The following FLT3 variants were observed in gnomAD, a reference collection of about 807,000 sequenced individuals.
The protein encoded by FLT3 is receptor-type tyrosine-protein kinase FLT3.
Under a neutral mutation model 126.6 loss-of-function variants are expected in FLT3, and 46 were observed. The observed-to-expected ratio is 0.36, with a 90% CI of 0.29 to 0.46. The LOEUF (loss-of-function observed/expected upper bound fraction) is 0.46. FLT3 is among the 20% of genes least tolerant of loss of function. The pLI is 1.00. For synonymous variants in FLT3, 404 were observed against 434.4 expected (o/e 0.93, Z 0.87); for missense variants, 1,069 against 1,190.3 (o/e 0.90, Z 1.50).
intron 9 of FLT3, 121 bp from the exon 10 acceptor site, chr13:28,037,409 G>A: frequency 1.5e-6 from 1 of 670,298 alleles, no homozygotes; most frequent in South Asian, 1.8e-5. Flanking sequence ...AAGTTCACTG[G>A]AAAAGGAAAT....
At position 28,043,620 on chromosome 13, in the gene FLT3, G is replaced by A. The variant is rs367710247; in HGVS notation, c.1205+4655C>T. Among the ~76,000 whole-genome samples, 29 of 152,184 alleles carry A rather than the reference G, an allele frequency of 1.9e-4. No homozygotes were observed. In the East Asian group the frequency reaches 4.2e-3, roughly 22 times the overall value. ...TTCAATTAAATTGTTGAATCTAGGT[G>A]GTAGGTAAAGAATGCTCATGCACTA... On this transcript the variant is annotated intron_variant, in intron 9 of 23. Coordinates refer to ENST00000241453, the MANE Select transcript of FLT3 (RefSeq NM_004119.3).
intron 9 of FLT3, among the ~76,000 whole-genome samples, chr13:28,044,954 T>G (rs1419358849): frequency 6.6e-6 from 1 of 152,208 alleles, no homozygotes; most frequent in Non-Finnish European, 1.5e-5. Context: ...TATGGCAGCA[T>G]ACCTATTCTT....
chr13:28,067,988 G>A (rs952009616), intron 2 of FLT3: 18 of 268,448 alleles, frequency 6.7e-5, no homozygotes. Flanking sequence ...TCTTCACAAA[G>A]AGAAAACCAG....
rs1011781461 is a variant in FLT3 at position 28,100,479 on chromosome 13, A to G, written c.32T>C (p.Leu11Pro). Residue 11 changes from leucine to proline, a missense_variant, in exon 1 of 24, where the codon CTG (leucine) becomes CCG (proline). Transcript: ENST00000241453. The surrounding 1 kb of genome is among the most constrained non-coding windows in gnomAD (Gnocchi z 4.8). Reference protein sequence around the residue: MPALARDGGQLPLLVVFSAMI... With the variant: MPALARDGGQPPLLVVFSAMI... ...GAGCGGGGCCTTACCGAGCAGCGGC[A>G]GCTGGCCGCCGTCGCGCGCCAACGC... is the stretch of plus-strand genomic sequence containing the variant. 10 of 1,217,622 alleles carry G rather than the reference A, an allele frequency of 8.2e-6. No individual in the cohort carries two copies. Among genetic ancestry groups the G allele is most frequent in the Non-Finnish European group, 9.2e-6 (9 of 978,942 alleles). 75.4% of individuals were successfully genotyped at this position (1,217,622 alleles called of 1,614,324 possible).
At chr13:28,030,331 A>G (rs944874195) in intron 15 of FLT3, among the ~76,000 whole-genome samples, 2 of 152,318 alleles carry the variant, frequency 1.3e-5, no homozygotes, top group Admixed American at 6.5e-5. Flanking sequence ...CCTCATGGCT[A>G]AAATAATATC....
intron 9 of FLT3, among the ~76,000 whole-genome samples, chr13:28,038,979 G>A (rs1874094978): frequency 6.6e-6 from 1 of 152,130 alleles, no homozygotes; most frequent in Non-Finnish European, 1.5e-5. Context: ...AGAAGGCAGA[G>A]GTCTGTGTCG....
intron 19 of FLT3, among the ~76,000 whole-genome samples, chr13:28,020,450 C>T (rs112095409): frequency 0.16 from 23,947 of 152,138 alleles, 2,205 homozygotes; most frequent in Middle Eastern, 0.26. Context: ...CCAATTCAAG[C>T]GATTCTCATG....
intron 1 of FLT3, among the ~76,000 whole-genome samples, chr13:28,093,661 T>A (rs544161952): frequency 6.6e-6 from 1 of 152,264 alleles, no homozygotes; most frequent in South Asian, 2.1e-4. Context: ...CTCTGACAAG[T>A]CTTACTTCTC....
chr13:28,026,224 C>T (rs1300150851), intron 17 of FLT3, among the ~76,000 whole-genome samples: 1 of 151,878 alleles, frequency 6.6e-6, no homozygotes, highest in Non-Finnish European at 1.5e-5. Flanking sequence ...GTGGCACATG[C>T]CTGTAATCTC....
At chr13:28,058,560 C>T (rs8001423) in intron 3 of FLT3, among the ~76,000 whole-genome samples, 4,250 of 152,210 alleles carry the variant, frequency 0.028, 188 homozygotes, top group African/African-American at 0.096. Flanking sequence ...CACTTTCTGA[C>T]CTTTAGACCC....
At chr13:28,017,882 T>C (rs2137620248) in intron 20 of FLT3, among the ~76,000 whole-genome samples, 1 of 152,220 alleles carries the variant, frequency 6.6e-6, no homozygotes, top group East Asian at 1.9e-4. Context: ...GTCAGGCTGG[T>C]ATCGAACTCC....
In FLT3 at chr13:28,013,263, C is replaced by T. The variant is rs202020919; in HGVS notation, c.2859+1189G>A. ...ACTCATAACAATTTAGAAAGGAGGA[C>T]AGACAATCCACTTAAAAATCAGATT... On this transcript the variant is annotated intron_variant, in intron 23 of 23. Transcript: ENST00000241453. Among the ~76,000 whole-genome samples, 39 of 152,272 alleles carry T rather than the reference C, an allele frequency of 2.6e-4. No individual in the cohort carries two copies. In the East Asian group the frequency reaches 7.1e-3, roughly 28 times the overall value.
chr13:28,073,171 T>C (rs1015444160), intron 1 of FLT3, among the ~76,000 whole-genome samples: 1 of 151,796 alleles, frequency 6.6e-6, no homozygotes, highest in Non-Finnish European at 1.5e-5. Context: ...TAAAAGCATA[T>C]CTCTAAAAAT....
At chr13:28,075,545 T>C (rs1877870609) in intron 1 of FLT3, among the ~76,000 whole-genome samples, 1 of 151,888 alleles carries the variant, frequency 6.6e-6, no homozygotes, top group Non-Finnish European at 1.5e-5. Flanking sequence ...GCCAACATGG[T>C]GAAACCCTGT....
chr13:28,046,738 GGT>G (rs1874918911), intron 9 of FLT3, among the ~76,000 whole-genome samples: 1 of 151,862 alleles, frequency 6.6e-6, no homozygotes, highest in African/African-American at 2.4e-5. Context: ...TGGGACTAAA[GGT>G]GTACACCACC....
chr13:28,010,990 G>T (rs76413244), intron 23 of FLT3, among the ~76,000 whole-genome samples: 38,280 of 150,738 alleles, frequency 0.25, 4,815 homozygotes, highest in Non-Finnish European at 0.28. Flanking sequence ...GTGACGGAGT[G>T]AGACTCTGTC....
chr13:28,091,445 T>G (rs1228361328), intron 1 of FLT3, among the ~76,000 whole-genome samples: 1 of 150,622 alleles, frequency 6.6e-6, no homozygotes, highest in Non-Finnish European at 1.5e-5. Flanking sequence ...ATGGTCTCGA[T>G]CTCCTGACCT....
chr13:28,054,864 A>C (rs1448021673), intron 4 of FLT3, among the ~76,000 whole-genome samples: 1 of 152,088 alleles, frequency 6.6e-6, no homozygotes, highest in Non-Finnish European at 1.5e-5. Flanking sequence ...ATGTTTCTTG[A>C]CCATTTAGGT....
At chr13:28,011,723 TTCTC>T (rs72417170) in intron 23 of FLT3, among the ~76,000 whole-genome samples, 39,520 of 141,740 alleles carry the variant, frequency 0.28, 5,357 homozygotes, top group Non-Finnish European at 0.3. Flanking sequence ...CTTTCTTTCT[TTCTC>T]TCTTTCTTCT....
Sources: allele counts gnomAD v4.1 joint callset (sites outside exome capture counted in the v4.1 genomes callset), GRCh38; gene constraint gnomAD v4.1.1; non-coding constraint Gnocchi (gnomAD v3.1); transcripts MANE v1.5; gene names NCBI Gene and HGNC (gene_info 2026-07-23, HGNC 2026-07-21).